MALRD1: variants seen among roughly 807,000 people sequenced by gnomAD.
The protein encoded by MALRD1 is MAM and LDL receptor class A domain containing 1, also known as MAM and LDL-receptor class A domain-containing protein 1.
A neutral mutation model predicts 242.1 loss-of-function variants in MALRD1; 247 were observed. The ratio of observed to expected loss-of-function variants is 1.02; its 90% CI spans 0.92 to 1.13. The LOEUF is 1.13. MALRD1 is among the 50% of genes most tolerant of loss of function. The pLI is 0.00. For synonymous variants in MALRD1, 995 were observed against 866.6 expected (o/e 1.15, Z -2.60); for missense variants, 2,989 against 2,533.1 (o/e 1.18, Z -3.86).
chr10:19,284,415 C>T (rs1483635744), intron 21 of MALRD1, among the ~76,000 whole-genome samples: 1 of 123,966 alleles, frequency 8.1e-6, no homozygotes, highest in African/African-American at 3.1e-5. Context: ...CCCCACCCCA[C>T]CACAGTCCCC....
At chr10:19,721,348 G>T (rs1028709733) in intron 38 of MALRD1, among the ~76,000 whole-genome samples, 1 of 152,140 alleles carries the variant, frequency 6.6e-6, no homozygotes, top group South Asian at 2.1e-4. Flanking sequence ...GGTAGAAGTA[G>T]GGAGAGGAGA....
intron 36 of MALRD1, among the ~76,000 whole-genome samples, chr10:19,665,728 C>G (rs1280703699): frequency 6.6e-6 from 1 of 152,082 alleles, no homozygotes; most frequent in African/African-American, 2.4e-5. Flanking sequence ...CCGTCAATTA[C>G]CACTCAGGAT....
At chr10:19,539,039 G>GT (rs1834811386) in intron 32 of MALRD1, among the ~76,000 whole-genome samples, 1 of 152,088 alleles carries the variant, frequency 6.6e-6, no homozygotes, top group Non-Finnish European at 1.5e-5. Flanking sequence ...ATTGAGTTTT[G>GT]TTTTGTTTTG....
intron 2 of MALRD1, among the ~76,000 whole-genome samples, chr10:19,083,439 A>G (rs1432613525): frequency 6.6e-6 from 1 of 151,928 alleles, no homozygotes; most frequent in African/African-American, 2.4e-5. Context: ...CTCCCTATCG[A>G]TGTCTCATTC....
chr10:19,343,665 T>A (rs966030638), intron 24 of MALRD1, among the ~76,000 whole-genome samples: 5 of 152,066 alleles, frequency 3.3e-5, no homozygotes, highest in African/African-American at 9.7e-5. Context: ...CCATCAAAAT[T>A]GTTGTGTGTA....
chr10:19,724,036 C>T (rs1377138820), intron 38 of MALRD1, among the ~76,000 whole-genome samples: 10 of 152,098 alleles, frequency 6.6e-5, no homozygotes, highest in African/African-American at 9.7e-5. Context: ...CAAGCCTGGA[C>T]AACAGAGTGA....
chr10:19,271,579 C>T lies in MALRD1; in HGVS notation c.3080-8468C>T, dbSNP rs183165626. 2.6e-3 allele frequency among the ~76,000 whole-genome samples: 392 copies of T among 152,158 alleles called. 3 individuals carry two copies. The highest frequency in any genetic ancestry group is 9.0e-3 in the African/African-American group (375 of 41,516). On this transcript the variant is annotated intron_variant, in intron 19 of 39. Coordinates refer to ENST00000454679, the MANE Select transcript of MALRD1 (RefSeq NM_001142308.3). Reference sequence around the variant, plus strand: ...GAGATCGAGACCATCCTGGCTAACACGGTGAAACCCCGTCTCTACCAAAAA... The same window carrying T: ...GAGATCGAGACCATCCTGGCTAACATGGTGAAACCCCGTCTCTACCAAAAA...
intron 33 of MALRD1, among the ~76,000 whole-genome samples, chr10:19,588,521 A>G (rs1837566956): frequency 6.6e-6 from 1 of 152,214 alleles, no homozygotes; most frequent in East Asian, 1.9e-4. Context: ...GTAGTGATGC[A>G]ATTACAATTT....
chr10:19,134,171 G>C (rs1166766186), intron 9 of MALRD1, among the ~76,000 whole-genome samples: 1 of 152,112 alleles, frequency 6.6e-6, no homozygotes, highest in Non-Finnish European at 1.5e-5. Context: ...CTCGTTCACA[G>C]CTTCCTCACT....
chr10:19,175,201 A>C lies in MALRD1; in HGVS notation c.1831-7A>C, dbSNP rs2131541377. 8.1e-7 allele frequency: 1 copy of C among 1,228,000 alleles called. No homozygotes were observed. The highest frequency in any genetic ancestry group is 3.2e-5 in the East Asian group (1 of 31,466). The allele number at this position is 1,228,000 out of a possible 1,614,324, so 76.1% of individuals were successfully genotyped here. On this transcript the variant is annotated splice_region_variant and splice_polypyrimidine_tract_variant and intron_variant, in intron 13 of 39. Coordinates refer to ENST00000454679, the MANE Select transcript of MALRD1 (RefSeq NM_001142308.3). Reference sequence around the variant, plus strand: ...TTTTTAACAGTTTTATCTTTCTGTAATTATAGTTAATTTTGGAAGCTACTG... The same window carrying C: ...TTTTTAACAGTTTTATCTTTCTGTACTTATAGTTAATTTTGGAAGCTACTG...
chr10:19,175,402 T>C (rs1835185919), intron 14 of MALRD1, 74 bp downstream of exon 14: 4 of 1,143,144 alleles, frequency 3.5e-6, no homozygotes, highest in Non-Finnish European at 4.3e-6. Context: ...ATATAAAATG[T>C]ATTAGAGTCA....
At chr10:19,303,871 C>T (rs1371052638) in intron 21 of MALRD1, among the ~76,000 whole-genome samples, 1 of 151,660 alleles carries the variant, frequency 6.6e-6, no homozygotes, top group Non-Finnish European at 1.5e-5. Flanking sequence ...GATTCATATA[C>T]TCAGGTTATT....
At chr10:19,508,735 T>A (rs898506017) in intron 31 of MALRD1, among the ~76,000 whole-genome samples, 1 of 152,232 alleles carries the variant, frequency 6.6e-6, no homozygotes, top group African/African-American at 2.4e-5. Flanking sequence ...AAAACTTGTT[T>A]ACTTCTTAAA....
rs765305017 is a variant in MALRD1, at chr10:19,498,540, G to T, written c.5214G>T (p.Trp1738Cys). The change falls in exon 31 of 40, where the codon TGG becomes TGT. Residue 1738 changes from tryptophan (W) to cysteine (C), a missense_variant. By Grantham distance (215) the Trp-to-Cys change is radical. Coordinates refer to ENST00000454679, the MANE Select transcript of MALRD1 (RefSeq NM_001142308.3). The part of the protein sequence containing the change: ...SCNFETSSGN[W>C]TTACSLTQDS... The stretch of plus-strand genomic sequence containing the variant: ...ATTTTGAAACAAGTTCAGGAAACTG[G>T]ACCACAGCCTGCAGTCTTACTCAAG... 1.9e-6 allele frequency: 3 copies of T among 1,550,270 alleles called. No homozygotes were observed. The highest frequency in any genetic ancestry group is 1.7e-4 in the Middle Eastern group (1 of 5,992).
chr10:19,216,734 A>G (rs567733140), intron 18 of MALRD1, among the ~76,000 whole-genome samples: 3 of 151,960 alleles, frequency 2.0e-5, no homozygotes, highest in African/African-American at 7.2e-5. Flanking sequence ...TCACGAGGTC[A>G]GGAGATCGAG....
At chr10:19,407,669 T>C (rs2068092298) in intron 28 of MALRD1, among the ~76,000 whole-genome samples, 1 of 152,048 alleles carries the variant, frequency 6.6e-6, no homozygotes, top group Non-Finnish European at 1.5e-5. Context: ...AATACCCAAA[T>C]GTTGAGCAAA....
At chr10:19,331,655 G>A in intron 24 of MALRD1, 73 bp downstream of exon 24, 3 of 1,224,656 alleles carry the variant, frequency 2.4e-6, no homozygotes, top group Non-Finnish European at 2.3e-6. Flanking sequence ...TGTGTTTATT[G>A]TTGAAACATG....
chr10:19,454,912 A>T (rs1461698411), intron 29 of MALRD1, among the ~76,000 whole-genome samples: 1 of 152,184 alleles, frequency 6.6e-6, no homozygotes, highest in Non-Finnish European at 1.5e-5. Flanking sequence ...ATAAAGCTAG[A>T]TATATTCTTT....
At chr10:19,246,322 A>G (rs889957789) in intron 18 of MALRD1, among the ~76,000 whole-genome samples, 18 of 152,088 alleles carry the variant, frequency 1.2e-4, no homozygotes, top group Non-Finnish European at 5.9e-5. Flanking sequence ...AGTAACTGGC[A>G]TTTTGTTTTA....
Sources: gnomAD v4.1 joint callset for allele counts (sites outside exome capture counted in the v4.1 genomes callset) on GRCh38, gnomAD v4.1.1 for gene constraint, MANE v1.5 for transcripts, NCBI Gene and HGNC (gene_info 2026-07-23, HGNC 2026-07-21) for gene names.